C2CD3: variants seen among roughly 807,000 people sequenced by gnomAD.
The protein encoded by C2CD3 is C2 domain containing 3 centriole elongation regulator, also known as C2 domain-containing protein 3.
In C2CD3, 148 loss-of-function variants were observed where a neutral mutation model predicts 234.0. The ratio of observed to expected loss-of-function variants is 0.63; its 90% confidence interval spans 0.55 to 0.72. The LOEUF (loss-of-function observed/expected upper bound fraction) is 0.72. C2CD3 is among the 30% of genes least tolerant of loss of function. C2CD3 has a pLI of 0.00. For synonymous variants in C2CD3, 1,000 were observed against 1,035.4 expected (o/e 0.97, Z 0.66); for missense variants, 2,577 against 2,811.5 (o/e 0.92, Z 1.89).
intron 32 of C2CD3, among the ~76,000 whole-genome samples, chr11:74,020,057 C>T (rs1353267532): frequency 1.3e-5 from 2 of 152,206 alleles, no homozygotes; most frequent in Admixed American, 1.3e-4. Context: ...CTGCCTCCTA[C>T]ACTCACTCCT....
intron 11 of C2CD3, among the ~76,000 whole-genome samples, chr11:74,110,838 A>C (rs1220100798): frequency 6.6e-6 from 1 of 152,166 alleles, no homozygotes; most frequent in Non-Finnish European, 1.5e-5. Flanking sequence ...GATCCAGATT[A>C]ATACCTAGTC....
intron 20 of C2CD3, among the ~76,000 whole-genome samples, chr11:74,090,199 T>C (rs776453873): frequency 2.3e-4 from 35 of 152,120 alleles, no homozygotes; most frequent in Admixed American, 2.2e-3. Flanking sequence ...TGGGGTCTCA[T>C]AGCCATTTTA....
intron 8 of C2CD3, among the ~76,000 whole-genome samples, chr11:74,118,714 C>T (rs1406695012): frequency 1.3e-5 from 2 of 152,154 alleles, no homozygotes; most frequent in Non-Finnish European, 2.9e-5. Flanking sequence ...ATATTCACCA[C>T]ATTCCGACAA....
At chr11:74,020,329 T>C (rs192099187) in intron 32 of C2CD3, among the ~76,000 whole-genome samples, 107 of 152,372 alleles carry the variant, frequency 7.0e-4, no homozygotes, top group African/African-American at 2.3e-3. Flanking sequence ...ACAGTGCTTG[T>C]ACCTTCTGCT....
chr11:74,073,541 C>T (rs867466334), intron 24 of C2CD3, among the ~76,000 whole-genome samples: 2 of 148,200 alleles, frequency 1.3e-5, no homozygotes, highest in East Asian at 4.0e-4. Flanking sequence ...GAGCCGAAAT[C>T]GTGCCACTGC....
In C2CD3 at chr11:74,169,795, A is replaced by G. The variant is rs564167598; in HGVS notation, c.55+943T>C. Among the ~76,000 whole-genome samples the G allele has an allele frequency of 5.3e-5, 8 of 152,336 alleles. No homozygotes were observed. In the South Asian group the frequency reaches 1.5e-3, roughly 28 times the overall value. On this transcript the variant is annotated intron_variant, in intron 1 of 32. Transcript: ENST00000334126. ...CTCAGATCCTCCTATCTTTCCTGGC[A>G]GGAAAGTCAGTATCTCAAAACTGCC... is the stretch of plus-strand genomic sequence containing the variant.
intron 9 of C2CD3, among the ~76,000 whole-genome samples, chr11:74,116,680 G>A (rs1956936858): frequency 6.6e-6 from 1 of 151,620 alleles, no homozygotes; most frequent in Non-Finnish European, 1.5e-5. Flanking sequence ...GTACTTGCAT[G>A]CTTATAGCAG....
At chr11:74,101,657 G>A (rs1956320685) in intron 14 of C2CD3, among the ~76,000 whole-genome samples, 1 of 152,170 alleles carries the variant, frequency 6.6e-6, no homozygotes, top group African/African-American at 2.4e-5. Flanking sequence ...GGAGTTAACT[G>A]ATACAAAAAG....
rs546106719 is a variant in C2CD3 at position 74,104,771 on chromosome 11, C to T, written c.2086-1146G>A. Among the ~76,000 whole-genome samples the T allele has an allele frequency of 4.9e-4, 75 of 152,182 alleles. 2 individuals carry two copies. Among genetic ancestry groups the T allele is most frequent in the African/African-American group, 1.3e-3 (56 of 41,538 alleles). ...CTTGCTGTTTCTTCGATCTGAAATC[C>T]TAAGTGTTACATAGCAAGGTTCTTT... On this transcript the variant is annotated intron_variant, in intron 13 of 32. Coordinates refer to ENST00000334126, the MANE Select transcript of C2CD3 (RefSeq NM_001286577.2).
At chr11:74,070,531 C>T (rs959740512) in intron 24 of C2CD3, 3 of 152,208 alleles carry the variant, frequency 2.0e-5, no homozygotes, top group Admixed American at 6.5e-5. Context: ...GCCTGTTCTC[C>T]ATTCTTGCTG....
At chr11:74,043,517 G>A (rs1303663642) in intron 28 of C2CD3, among the ~76,000 whole-genome samples, 1 of 152,144 alleles carries the variant, frequency 6.6e-6, no homozygotes, top group Non-Finnish European at 1.5e-5. Flanking sequence ...GAATTACTGG[G>A]TCATATGGTT....
chr11:74,075,937 T>C (rs1955017520), intron 23 of C2CD3, among the ~76,000 whole-genome samples: 1 of 152,186 alleles, frequency 6.6e-6, no homozygotes, highest in African/African-American at 2.4e-5. Context: ...AAGAGGGATA[T>C]GGAGAAGTAT....
intron 3 of C2CD3, among the ~76,000 whole-genome samples, chr11:74,148,426 C>T (rs1486366306): frequency 6.6e-6 from 1 of 150,718 alleles, no homozygotes; most frequent in African/African-American, 2.4e-5. Flanking sequence ...CACACATATA[C>T]CTTATATGTG....
In C2CD3 at chr11:74,170,605, C is replaced by T. The variant is rs1028085046; in HGVS notation, c.55+133G>A. The T allele has an allele frequency of 5.7e-6, 6 of 1,047,714 alleles. No homozygotes were observed. In the African/African-American group the frequency reaches 6.3e-5, roughly 11 times the overall value. 64.9% of individuals were successfully genotyped at this position (1,047,714 alleles called of 1,614,324 possible). ...GAGGGCCAATTGCCCTTCCTTTTAA[C>T]CTTCTGGTTCCCTGGCTACTTCCTT... On this transcript the variant is annotated intron_variant, in intron 1 of 32. Coordinates refer to ENST00000334126, the MANE Select transcript of C2CD3 (RefSeq NM_001286577.2).
At chr11:74,077,795 A>ACG (rs1955117636) in intron 23 of C2CD3, among the ~76,000 whole-genome samples, 2 of 13,602 alleles carry the variant, frequency 1.5e-4, no homozygotes, top group African/African-American at 3.0e-4. Context: ...ATATATATAT[A>ACG]TATATATATA....
chr11:74,019,673 CA>C (rs1952009633), intron 32 of C2CD3, among the ~76,000 whole-genome samples: 1 of 150,230 alleles, frequency 6.7e-6, no homozygotes, highest in Non-Finnish European at 1.5e-5. Flanking sequence ...GAAAGGAAAC[CA>C]AAGGATAGAT....
In C2CD3 at chr11:74,090,813, T is replaced by C. The variant is rs533372301; in HGVS notation, c.3641A>G (p.Lys1214Arg). The change falls in exon 20 of 33, where the codon AAG becomes AGG. Residue 1214 changes from lysine (K) to arginine (R), a missense_variant and splice_region_variant. By Grantham distance (26) the Lys-to-Arg change is conservative (BLOSUM62 2). Coordinates refer to ENST00000334126, the MANE Select transcript of C2CD3 (RefSeq NM_001286577.2). ...IRACGLQAAAKALAEREPALQ... is the reference protein window; with the variant it reads ...IRACGLQAAARALAEREPALQ... ...AATTGCTTGTCTCAGGTGGACTTAC[T>C]TGGCTGCTGCTTGCAGACCACAGGC... 73 of 1,614,120 alleles carry C rather than the reference T, an allele frequency of 4.5e-5. No individual in the cohort carries two copies. In the African/African-American group the frequency reaches 5.2e-4, roughly 11 times the overall value.
intron 8 of C2CD3, among the ~76,000 whole-genome samples, chr11:74,120,403 T>C (rs1041777685): frequency 1.3e-5 from 2 of 152,218 alleles, no homozygotes; most frequent in African/African-American, 2.4e-5. Flanking sequence ...TTGTGATAGC[T>C]TGCTCAGAAT....
In C2CD3 at chr11:74,084,934, T is replaced by C. The variant is rs759234031; in HGVS notation, c.3947A>G (p.Tyr1316Cys). The change falls in exon 22 of 33, where the codon TAT (tyrosine) becomes TGT (cysteine). Residue 1316 changes from tyrosine to cysteine, a missense_variant. Tyr to Cys is a radical substitution (Grantham distance 194). Transcript: ENST00000334126. ...TGGAACTTTTACTACTCCAAGCAGA[T>C]ACTCTTTGCATGACTCAATACTGAT... Reference protein sequence around the residue: ...DIISIESCKEYLLGVVKVPTK... With the variant: ...DIISIESCKECLLGVVKVPTK... The C allele has an allele frequency of 3.1e-6, 5 of 1,612,804 alleles. No homozygotes were observed. Among genetic ancestry groups the C allele is most frequent in the South Asian group, 1.1e-5 (1 of 91,046 alleles).
Sources: gnomAD v4.1 joint callset for allele counts (sites outside exome capture counted in the v4.1 genomes callset) on GRCh38, gnomAD v4.1.1 for gene constraint, MANE v1.5 for transcripts, NCBI Gene and HGNC (gene_info 2026-07-23, HGNC 2026-07-21) for gene names.